IQCJ: variants seen among roughly 807,000 people sequenced by gnomAD.
IQCJ encodes IQ motif containing J.
A neutral mutation model predicts 11.0 loss-of-function variants in IQCJ; 9 were observed. The ratio of observed to expected loss-of-function variants is 0.82; its 90% CI spans 0.49 to 1.43. IQCJ has a LOEUF of 1.43. Among genes scored for constraint, IQCJ ranks in the 40% most tolerant of loss-of-function variants. The probability of loss-of-function intolerance (pLI) is 0.00; values close to 1 mark genes in which losing one functional copy is unlikely to be tolerated. For missense variants in IQCJ, 146 were observed against 133.2 expected, an observed-to-expected ratio of 1.10 and a Z score of -0.47; for synonymous variants, 55 against 51.3, an observed-to-expected ratio of 1.07 and a Z score of -0.31.
intron 1 of IQCJ, among the ~76,000 whole-genome samples, chr3:159,104,242 G>A (rs1361574819): frequency 1.3e-5 from 2 of 152,168 alleles, no homozygotes; most frequent in African/African-American, 4.8e-5. Context: ...CCTGGATTTA[G>A]AAGTGAGCTA....
At chr3:159,130,410 C>T (rs763520341) in intron 1 of IQCJ, among the ~76,000 whole-genome samples, 1 of 152,002 alleles carries the variant, frequency 6.6e-6, no homozygotes, top group Non-Finnish European at 1.5e-5. Context: ...GCCCACAGTA[C>T]CTAGATCTCT....
chr3:159,076,739 A>G (rs1024940321), intron 1 of IQCJ, among the ~76,000 whole-genome samples: 3 of 152,118 alleles, frequency 2.0e-5, no homozygotes, highest in Non-Finnish European at 4.4e-5. Flanking sequence ...TGTGTTTAGC[A>G]TATCATTAGG....
intron 1 of IQCJ, among the ~76,000 whole-genome samples, chr3:159,192,282 C>A (rs1198896937): frequency 8.1e-6 from 1 of 122,744 alleles, no homozygotes; most frequent in African/African-American, 3.4e-5. Context: ...CCAGGCATTA[C>A]CTCTCCTATC....
chr3:159,237,809 T>A (rs1726679672), intron 1 of IQCJ, among the ~76,000 whole-genome samples: 1 of 152,182 alleles, frequency 6.6e-6, no homozygotes, highest in South Asian at 2.1e-4. Flanking sequence ...TAAAGATTAA[T>A]TATCAAACAC....
intron 1 of IQCJ, among the ~76,000 whole-genome samples, chr3:159,140,065 C>T (rs918878974): frequency 2.0e-5 from 3 of 152,034 alleles, no homozygotes; most frequent in African/African-American, 7.2e-5. Context: ...TCCCATGTTC[C>T]CCCTGTTCAC....
chr3:159,175,461 A>T (rs59690805), intron 1 of IQCJ, among the ~76,000 whole-genome samples: 1 of 151,986 alleles, frequency 6.6e-6, no homozygotes, highest in Non-Finnish European at 1.5e-5. Flanking sequence ...ACAGAGCAAG[A>T]CCCTGTCTCA....
At chr3:159,261,374 G>A (rs902812101) in intron 3 of IQCJ, among the ~76,000 whole-genome samples, 8 of 152,166 alleles carry the variant, frequency 5.3e-5, no homozygotes, top group African/African-American at 1.9e-4. Context: ...TAATCTCAAA[G>A]ATCACAAGCC....
In IQCJ at chr3:159,076,249, A is replaced by G. The variant is rs572735710; in HGVS notation, c.9+6808A>G. On this transcript the variant is annotated intron_variant, in intron 1 of 3. Transcript: ENST00000397832. Reference sequence around the variant, plus strand: ...GGGCTTTGTTGATACTTGAATTGGGAGACTTTAATTCTGCCTTCAATTTTA... The same window carrying G: ...GGGCTTTGTTGATACTTGAATTGGGGGACTTTAATTCTGCCTTCAATTTTA... Among the ~76,000 whole-genome samples, 26 of 152,142 alleles carry G rather than the reference A, an allele frequency of 1.7e-4. No individual in the cohort carries two copies. The South Asian group carries it at 5.2e-3, about 30-fold the overall frequency.
At position 159,262,449 on chromosome 3, in the gene IQCJ, G is replaced by C. The variant is rs760737236; in HGVS notation, c.156-99G>C. 152 of 1,511,100 alleles carry C rather than the reference G, an allele frequency of 1.0e-4. 1 individual carries two copies. Among genetic ancestry groups the C allele is most frequent in the Non-Finnish European group, 1.3e-4 (151 of 1,132,248 alleles). 93.6% of individuals were successfully genotyped at this position (1,511,100 alleles called of 1,614,324 possible). A position where few individuals can be genotyped will look rare whatever the true frequency, so the allele number is the denominator to read the frequency against. The stretch of plus-strand genomic sequence containing the variant: ...ATGTTCTACTTCCCTTGGCACCAAA[G>C]CCAATTCCTTCAGACTCCTTGTGAG... On this transcript the variant is annotated intron_variant, in intron 3 of 3. Transcript: ENST00000397832.
At chr3:159,175,480 A>G (rs1722745226) in intron 1 of IQCJ, among the ~76,000 whole-genome samples, 1 of 152,146 alleles carries the variant, frequency 6.6e-6, no homozygotes, top group Non-Finnish European at 1.5e-5. Context: ...CAAACAAAAC[A>G]AAACAAAACA....
intron 1 of IQCJ, among the ~76,000 whole-genome samples, chr3:159,151,780 T>C (rs540406700): frequency 6.6e-5 from 10 of 152,236 alleles, no homozygotes; most frequent in Admixed American, 5.2e-4. Flanking sequence ...GGACTACAGG[T>C]GCCTGCCACC....
intron 1 of IQCJ, among the ~76,000 whole-genome samples, chr3:159,142,423 TC>T (rs58024504): frequency 0.053 from 6,847 of 129,586 alleles, 500 homozygotes; most frequent in African/African-American, 0.17. Context: ...GCAGGTCTTT[TC>T]CCCCCCCCAC....
intron 1 of IQCJ, among the ~76,000 whole-genome samples, chr3:159,189,461 C>T (rs1477844653): frequency 6.6e-6 from 1 of 152,108 alleles, no homozygotes; most frequent in African/African-American, 2.4e-5. Flanking sequence ...ATTGTTCTAG[C>T]AAATTTTGGC....
intron 1 of IQCJ, among the ~76,000 whole-genome samples, chr3:159,172,010 G>T (rs1196805589): frequency 6.6e-6 from 1 of 152,040 alleles, no homozygotes; most frequent in Non-Finnish European, 1.5e-5. Flanking sequence ...ACTGCAAATT[G>T]TCACATTTGG....
chr3:159,143,802 C>T (rs1165826060), intron 1 of IQCJ, among the ~76,000 whole-genome samples: 1 of 152,140 alleles, frequency 6.6e-6, no homozygotes, highest in African/African-American at 2.4e-5. Context: ...AACAAAAAAT[C>T]TGAGATTGGG....
At chr3:159,110,654 A>G (rs989676806) in intron 1 of IQCJ, among the ~76,000 whole-genome samples, 3 of 152,262 alleles carry the variant, frequency 2.0e-5, no homozygotes, top group Admixed American at 6.5e-5. Context: ...CGTCTTTCTT[A>G]TTCATCACTG....
intron 1 of IQCJ, among the ~76,000 whole-genome samples, chr3:159,243,218 G>A (rs1560040005): frequency 6.6e-6 from 1 of 152,202 alleles, no homozygotes. Context: ...TTTACCTCAT[G>A]AGGTAGCAAT....
At chr3:159,154,040 G>A (rs911745979) in intron 1 of IQCJ, among the ~76,000 whole-genome samples, 2 of 152,066 alleles carry the variant, frequency 1.3e-5, no homozygotes, top group Non-Finnish European at 1.5e-5. Flanking sequence ...AATAAATCCT[G>A]TTGTTTGCCA....
chr3:159,163,752 T>G (rs996537546), intron 1 of IQCJ, among the ~76,000 whole-genome samples: 3 of 152,184 alleles, frequency 2.0e-5, no homozygotes, highest in Non-Finnish European at 4.4e-5. Flanking sequence ...AGGAAGTAAC[T>G]GAGGCAAAGA....
Sources: allele counts gnomAD v4.1 joint callset (sites outside exome capture counted in the v4.1 genomes callset), GRCh38; gene constraint gnomAD v4.1.1; transcripts MANE v1.5; gene names NCBI Gene and HGNC (gene_info 2026-07-23, HGNC 2026-07-21).